SGCZ: variants seen among roughly 807,000 people sequenced by gnomAD.
The protein encoded by SGCZ is sarcoglycan zeta, also known as zeta-sarcoglycan.
In SGCZ, 40 loss-of-function variants were observed where a neutral mutation model predicts 41.3. The observed-to-expected ratio is 0.97, with a 90% CI of 0.75 to 1.26. The LOEUF (loss-of-function observed/expected upper bound fraction) is 1.26. Among genes scored for constraint, SGCZ ranks in the 50% most tolerant of loss-of-function variants. The probability of loss-of-function intolerance (pLI) is 0.00; values close to 1 mark genes in which losing one functional copy is unlikely to be tolerated. For missense variants in SGCZ, 552 were observed against 369.8 expected, an observed-to-expected ratio of 1.49 and a Z score of -4.04; for synonymous variants, 206 against 137.5, an observed-to-expected ratio of 1.50 and a Z score of -3.49.
rs142979351 is a variant in SGCZ at position 14,200,837 on chromosome 8, T to G, written c.425-36135A>C. Among the ~76,000 whole-genome samples the G allele has an allele frequency of 2.3e-3, 357 of 152,212 alleles. 2 individuals are homozygous for G. The highest frequency in any genetic ancestry group is 0.011 in the South Asian group (52 of 4,830). On this transcript the variant is annotated intron_variant, in intron 4 of 7. Coordinates refer to ENST00000382080, the MANE Select transcript of SGCZ (RefSeq NM_139167.4). ...TTAAAAGCTGCTCTTTAAAACAGAC[T>G]GTTAAAGGAATGAAGATACGTCACA...
chr8:14,793,412 C>T (rs776834379), intron 1 of SGCZ, among the ~76,000 whole-genome samples: 7 of 152,122 alleles, frequency 4.6e-5, no homozygotes, highest in Non-Finnish European at 7.4e-5. Context: ...ATTAATTTTG[C>T]TTTCTTTCAG....
intron 2 of SGCZ, among the ~76,000 whole-genome samples, chr8:14,433,217 A>T (rs1799995995): frequency 6.6e-6 from 1 of 152,204 alleles, no homozygotes; most frequent in Admixed American, 6.5e-5. Context: ...ACTGCAAAAA[A>T]GTTGCAGCTG....
chr8:14,203,867 G>C (rs938049303), intron 4 of SGCZ, among the ~76,000 whole-genome samples: 5 of 151,916 alleles, frequency 3.3e-5, no homozygotes, highest in Non-Finnish European at 7.4e-5. Context: ...AGACCTGTAA[G>C]AATTATCTAG....
chr8:15,041,450 G>C (rs1351486002), intron 1 of SGCZ, among the ~76,000 whole-genome samples: 2 of 151,892 alleles, frequency 1.3e-5, no homozygotes, highest in East Asian at 3.8e-4. Context: ...TTATTTCATA[G>C]TAATTACATG....
chr8:14,953,833 C>A (rs1800717715), intron 1 of SGCZ, among the ~76,000 whole-genome samples: 1 of 152,174 alleles, frequency 6.6e-6, no homozygotes, highest in South Asian at 2.1e-4. Context: ...ATGATTACTT[C>A]AGAGAGTTCA....
At chr8:14,368,198 T>G (rs1334057170) in intron 2 of SGCZ, among the ~76,000 whole-genome samples, 1 of 152,076 alleles carries the variant, frequency 6.6e-6, no homozygotes, top group Non-Finnish European at 1.5e-5. Context: ...ACATATATTG[T>G]CTTCAAGAAT....
chr8:14,527,725 A>G (rs1401712874), intron 2 of SGCZ, among the ~76,000 whole-genome samples: 2 of 152,124 alleles, frequency 1.3e-5, no homozygotes, highest in Non-Finnish European at 2.9e-5. Flanking sequence ...GTACTCAATA[A>G]GCACATGTGT....
At chr8:14,453,567 C>A (rs1012255206) in intron 2 of SGCZ, among the ~76,000 whole-genome samples, 1 of 152,144 alleles carries the variant, frequency 6.6e-6, no homozygotes, top group African/African-American at 2.4e-5. Context: ...GTCTTCTTAT[C>A]GGTCCCCCAG....
rs1199317826 is a variant in SGCZ, at chr8:14,977,562, C to T, written c.39+260023G>A. 2.0e-5 allele frequency among the ~76,000 whole-genome samples: 3 copies of T among 152,088 alleles called. 1 individual carries two copies. The highest frequency in any genetic ancestry group is 4.4e-5 in the Non-Finnish European group (3 of 68,030). On this transcript the variant is annotated intron_variant, in intron 1 of 7. Transcript: ENST00000382080. ...TCCAGGCTCAGTGACAGGTATTTTA[C>T]AGGCCAATCACCTTAATCCTAGTAA... is the stretch of plus-strand genomic sequence containing the variant.
chr8:15,081,399 T>A (rs534231909), intron 1 of SGCZ, among the ~76,000 whole-genome samples: 13 of 152,264 alleles, frequency 8.5e-5, no homozygotes, highest in African/African-American at 3.1e-4. Flanking sequence ...GTTTTTATCT[T>A]AAAGAAACCT....
chr8:14,680,654 G>A (rs28462260), intron 1 of SGCZ, among the ~76,000 whole-genome samples: 30,283 of 151,024 alleles, frequency 0.2, 3,684 homozygotes, highest in East Asian at 0.44. Flanking sequence ...AGACTGGTGA[G>A]GAGAGACATA....
At chr8:14,230,885 C>T (rs561471824) in intron 4 of SGCZ, among the ~76,000 whole-genome samples, 1 of 151,750 alleles carries the variant, frequency 6.6e-6, no homozygotes, top group South Asian at 2.1e-4. Flanking sequence ...GAAAGAGTAT[C>T]TACTGGTTAA....
At position 14,709,462 on chromosome 8, in the gene SGCZ, GGAGGAAGAA is replaced by G. The variant is rs545499765; in HGVS notation, c.40-154545_40-154537del. On this transcript the variant is annotated intron_variant, in intron 1 of 7. Transcript: ENST00000382080. ...AATTACTCTTACAGTATGAATGGAAGGAGGAAGAAGAGGAGGAACTAAAACCATCTCTTG... is the reference window on the plus strand; with the variant it reads ...AATTACTCTTACAGTATGAATGGAAGGAGGAGGAACTAAAACCATCTCTTG... 4.2e-4 allele frequency among the ~76,000 whole-genome samples: 64 copies of G among 152,262 alleles called. 1 individual carries two copies. The highest frequency in any genetic ancestry group is 1.5e-3 in the African/African-American group (63 of 41,552).
chr8:15,223,590 A>T (rs1801673368), intron 1 of SGCZ, among the ~76,000 whole-genome samples: 1 of 152,216 alleles, frequency 6.6e-6, no homozygotes, highest in African/African-American at 2.4e-5. Context: ...CCAATTTAAA[A>T]TTCTGGTCAG....
At chr8:14,624,340 A>G (rs1208440226) in intron 1 of SGCZ, among the ~76,000 whole-genome samples, 1 of 152,076 alleles carries the variant, frequency 6.6e-6, no homozygotes, top group African/African-American at 2.4e-5. Flanking sequence ...TTCCTCGGCC[A>G]ACTTAGTTAT....
chr8:14,095,425 G>A (rs991456743), intron 7 of SGCZ, among the ~76,000 whole-genome samples: 1 of 152,132 alleles, frequency 6.6e-6, no homozygotes, highest in Non-Finnish European at 1.5e-5. Flanking sequence ...TCAAAGTTCA[G>A]ATGGTCGTAG....
intron 2 of SGCZ, among the ~76,000 whole-genome samples, chr8:14,390,232 T>C (rs1804720629): frequency 6.6e-6 from 1 of 151,952 alleles, no homozygotes; most frequent in African/African-American, 2.4e-5. Context: ...ATAATCATCC[T>C]TGGATACATG....
chr8:14,374,770 G>T (rs1369478187), intron 2 of SGCZ, among the ~76,000 whole-genome samples: 1 of 152,156 alleles, frequency 6.6e-6, no homozygotes, highest in Non-Finnish European at 1.5e-5. Flanking sequence ...TAAGGCAATT[G>T]AGGGTGTATG....
At chr8:14,703,925 T>A (rs1809248632) in intron 1 of SGCZ, among the ~76,000 whole-genome samples, 1 of 152,006 alleles carries the variant, frequency 6.6e-6, no homozygotes, top group Non-Finnish European at 1.5e-5. Flanking sequence ...TGAGCAGGAA[T>A]TTTCCCTCTA....
Sources: gnomAD v4.1 joint callset for allele counts (sites outside exome capture counted in the v4.1 genomes callset) on GRCh38, gnomAD v4.1.1 for gene constraint, MANE v1.5 for transcripts, NCBI Gene and HGNC (gene_info 2026-07-23, HGNC 2026-07-21) for gene names.